STIL: variants seen among roughly 807,000 people sequenced by gnomAD.
The protein encoded by STIL is STIL centriolar assembly protein, also known as SCL-interrupting locus protein.
A neutral mutation model predicts 110.1 loss-of-function variants in STIL; 55 were observed. That is an observed-to-expected ratio of 0.50 (90% CI 0.40 to 0.63). The LOEUF is 0.63. Ranked by LOEUF, STIL falls within the 20% of genes least tolerant of loss-of-function variation. The pLI is 0.00. For missense variants in STIL, 1,358 were observed against 1,530.0 expected (o/e 0.89, Z 1.87); for synonymous variants, 481 against 530.0 (o/e 0.91, Z 1.27).
At chr1:47,282,721 A>G (rs1570165387) in intron 10 of STIL, 1 of 403,382 alleles carries the variant, frequency 2.5e-6, no homozygotes, top group East Asian at 5.2e-5. Flanking sequence ...AAATCAAGTC[A>G]CTGGGCACCC....
chr1:47,305,242 G>A, intron 2 of STIL: 1 of 387,074 alleles, frequency 2.6e-6, no homozygotes, highest in Non-Finnish European at 4.7e-6. Context: ...TCCCCTGCCT[G>A]AGCTTCCTGA....
rs748133748 is a variant in STIL at position 47,289,543 on chromosome 1, A to T, written c.915T>A (p.Ser305=). Residue 305 remains serine, a synonymous_variant, in exon 9 of 17, where the codon TCT becomes TCA. Transcript: ENST00000371877. Reference sequence around the variant, plus strand: ...AAAACTCAGGTTCCTTATGTGTCATAGAATAGAGAACTATGATGAAATTTC... The same window carrying T: ...AAAACTCAGGTTCCTTATGTGTCATTGAATAGAGAACTATGATGAAATTTC... ...ESGNFIIVLY[S]MTHKEPEFYE... is the part of the protein sequence containing the mutation. The T allele has an allele frequency of 6.2e-7, 1 of 1,613,936 alleles. No individual in the cohort carries two copies. Among genetic ancestry groups the T allele is most frequent in the South Asian group, 1.1e-5 (1 of 91,076 alleles).
chr1:47,301,631 A>G lies in STIL; in HGVS notation c.383T>C (p.Val128Ala). 1.9e-6 allele frequency: 3 copies of G among 1,614,066 alleles called. No individual in the cohort carries two copies. Among genetic ancestry groups the G allele is most frequent in the South Asian group, 2.2e-5 (2 of 91,080 alleles). ...LPGDFLIPCK[V>A]HTQELCSREM... ...TCTTGAACAAAGTTCTTGAGTATGA[A>G]CTTTGCATGGAATCAAAAAGTCCCC... The change falls in exon 5 of 17, where the codon GTT becomes GCT. Residue 128 changes from valine to alanine, a missense_variant. Physicochemically the swap from Val to Ala is moderately conservative, Grantham distance 64 (BLOSUM62 0). Transcript: ENST00000371877.
Position 47,263,111 on chromosome 1 carries a change from G to C in STIL, c.2621C>G (p.Ser874Cys), listed in dbSNP as rs138355120. 44 of 1,613,690 alleles carry C rather than the reference G, an allele frequency of 2.7e-5. No individual in the cohort carries two copies. Among genetic ancestry groups the C allele is most frequent in the Non-Finnish European group, 3.6e-5 (43 of 1,179,770 alleles). ...FNQPLSVSNS[S>C]SLVVRKEPDV... Reference sequence around the variant, plus strand: ...AGGTTCTTTTCTCACAACTAGAGAAGAGCTGCTGGGAAGGATATATAATGT... The same window carrying C: ...AGGTTCTTTTCTCACAACTAGAGAACAGCTGCTGGGAAGGATATATAATGT... Residue 874 changes from serine (S) to cysteine (C), a missense_variant, in exon 15 of 17, where the codon TCT becomes TGT. Physicochemically the swap from Ser to Cys is moderately radical, Grantham distance 112. Coordinates refer to ENST00000371877, the MANE Select transcript of STIL (RefSeq NM_001048166.1).
intron 1 of STIL, among the ~76,000 whole-genome samples, chr1:47,312,666 G>A (rs932584499): frequency 5.3e-5 from 8 of 152,126 alleles, no homozygotes; most frequent in African/African-American, 1.4e-4. Context: ...CTTAAAATGC[G>A]CTATTTGTGT....
At chr1:47,302,181 A>C (rs1645823711) in intron 4 of STIL, 53 bp downstream of exon 4, 61 of 1,350,062 alleles carry the variant, frequency 4.5e-5, no homozygotes, top group Non-Finnish European at 6.4e-5. Flanking sequence ...CCAGCCTCCC[A>C]ACGTGCTGGG....
rs1376514639 is a variant in STIL, at chr1:47,275,175, T to C, written c.2218-2934A>G. On this transcript the variant is annotated intron_variant, in intron 12 of 16. Transcript: ENST00000371877. ...ACAACAACAACAACAACAAAAAGCA[T>C]CTCTAAATCATTCGTAAAAAGATAT... Among the ~76,000 whole-genome samples the C allele has an allele frequency of 3.4e-5, 5 of 146,718 alleles. No homozygotes were observed. The South Asian group carries it at 8.6e-4, about 25-fold the overall frequency.
chr1:47,263,819 C>T (rs1353442824), intron 14 of STIL, among the ~76,000 whole-genome samples: 1 of 134,252 alleles, frequency 7.4e-6, no homozygotes, highest in Non-Finnish European at 1.5e-5. Flanking sequence ...GTGGCGTCAT[C>T]TCGGCTGACT....
chr1:47,285,849 G>C (rs1231854753), intron 10 of STIL, among the ~76,000 whole-genome samples: 1 of 151,952 alleles, frequency 6.6e-6, no homozygotes, highest in Non-Finnish European at 1.5e-5. Flanking sequence ...GTGTGTTTTA[G>C]AAGTTTTAAA....
chr1:47,251,391 C>T lies in STIL; in HGVS notation c.3612G>A (p.Leu1204=). Residue 1204 remains leucine, a synonymous_variant, in exon 17 of 17, where the codon TTG becomes TTA. Transcript: ENST00000371877. ...PVLRNITNEV[L]QTKAKQQLTE... is the part of the protein sequence containing the mutation. ...TCAACTGCTGTTTTGCTTTTGTCTG[C>T]AAAACTTCATTTGTAATATTTCTCA... 1 of 1,614,196 alleles carries T rather than the reference C, an allele frequency of 6.2e-7. No homozygotes were observed. Among genetic ancestry groups the T allele is most frequent in the Non-Finnish European group, 8.5e-7 (1 of 1,180,040 alleles).
Position 47,279,740 on chromosome 1 carries a change from A to C in STIL, c.2217+501T>G, listed in dbSNP as rs558071152. 4.0e-5 allele frequency among the ~76,000 whole-genome samples: 6 copies of C among 151,596 alleles called. No homozygotes were observed. The East Asian group carries it at 1.2e-3, about 29-fold the overall frequency. The stretch of plus-strand genomic sequence containing the variant: ...GAGACTCCGTCTCAAAAAAAAAAAA[A>C]AAAAACAACAAAAAACTAAGAACTC... On this transcript the variant is annotated intron_variant, in intron 12 of 16. Coordinates refer to ENST00000371877, the MANE Select transcript of STIL (RefSeq NM_001048166.1).
intron 16 of STIL, among the ~76,000 whole-genome samples, chr1:47,252,778 T>TACACAC (rs3043070): frequency 0.033 from 4,580 of 140,100 alleles, 82 homozygotes; most frequent in Middle Eastern, 0.051. Flanking sequence ...TATGGGCTTA[T>TACACAC]ACACACACAC....
At chr1:47,267,064 T>A (rs13373807) in intron 14 of STIL, among the ~76,000 whole-genome samples, 4,957 of 152,272 alleles carry the variant, frequency 0.033, 258 homozygotes, top group African/African-American at 0.11. Flanking sequence ...TTCCTCCACT[T>A]GGAATACTCA....
intron 14 of STIL, among the ~76,000 whole-genome samples, chr1:47,267,175 T>G (rs1308111467): frequency 1.3e-5 from 2 of 152,172 alleles, no homozygotes; most frequent in African/African-American, 4.8e-5. Context: ...CTACTTAATA[T>G]AACACCTTGT....
At chr1:47,261,107 G>A (rs1051302004) in intron 15 of STIL, among the ~76,000 whole-genome samples, 2 of 152,192 alleles carry the variant, frequency 1.3e-5, no homozygotes, top group Admixed American at 6.5e-5. Context: ...ACCAACATAA[G>A]CTGGGCGTGG....
intron 12 of STIL, among the ~76,000 whole-genome samples, chr1:47,277,683 G>A (rs943041050): frequency 6.6e-6 from 1 of 152,112 alleles, no homozygotes; most frequent in Non-Finnish European, 1.5e-5. Context: ...GACGAGATGA[G>A]AGGTGATACC....
intron 15 of STIL, 125 bp from the exon 16 acceptor site, chr1:47,260,664 G>A: frequency 9.8e-7 from 1 of 1,019,428 alleles, no homozygotes; most frequent in Non-Finnish European, 1.5e-6. Flanking sequence ...CTTGAGCCCA[G>A]GAGTTTAAGA....
chr1:47,259,439 C>T (rs550417355), intron 16 of STIL, among the ~76,000 whole-genome samples: 192 of 151,020 alleles, frequency 1.3e-3, no homozygotes, highest in Non-Finnish European at 2.2e-3. Flanking sequence ...TACAGGCGCC[C>T]GCCACCGCAC....
Position 47,251,012 on chromosome 1 carries a change from A to G in STIL, c.*124T>C, listed in dbSNP as rs1043654502. On this transcript the variant is annotated 3_prime_UTR_variant, in exon 17 of 17. Transcript: ENST00000371877. Reference sequence around the variant, plus strand: ...CATCTCACAGAAGTCACTCTTCCCAATTGGCTGCTACCAAGAAACAGTGAC... The same window carrying G: ...CATCTCACAGAAGTCACTCTTCCCAGTTGGCTGCTACCAAGAAACAGTGAC... 6.7e-6 allele frequency: 6 copies of G among 901,688 alleles called. No homozygotes were observed. The highest frequency in any genetic ancestry group is 1.7e-5 in the South Asian group (1 of 57,416). 55.9% of individuals were successfully genotyped at this position (901,688 alleles called of 1,614,324 possible).
Sources: gnomAD v4.1 joint callset for allele counts (sites outside exome capture counted in the v4.1 genomes callset) on GRCh38, gnomAD v4.1.1 for gene constraint, MANE v1.5 for transcripts, NCBI Gene and HGNC (gene_info 2026-07-23, HGNC 2026-07-21) for gene names.